The following IQCJ variants were observed in gnomAD, a reference collection of about 807,000 sequenced individuals.
IQCJ encodes IQ domain-containing protein J.
IQCJ carries 9 observed loss-of-function variants against 11.0 expected under a neutral mutation model. The observed-to-expected ratio is 0.82, with a 90% CI of 0.49 to 1.43. The LOEUF is 1.43. IQCJ is among the 40% of genes most tolerant of loss of function. The probability of loss-of-function intolerance (pLI) is 0.00; values close to 1 mark genes in which losing one functional copy is unlikely to be tolerated. For missense variants in IQCJ, 146 were observed against 133.2 expected (o/e 1.10, Z -0.47); for synonymous variants, 55 against 51.3 (o/e 1.07, Z -0.31).
intron 3 of IQCJ, 47 bp downstream of exon 3, chr3:159,252,854 G>GAATT (rs768932244): frequency 6.4e-7 from 1 of 1,555,540 alleles, no homozygotes; most frequent in Non-Finnish European, 8.7e-7. Flanking sequence ...CTAGTTTTAT[G>GAATT]AATTCCTGAA....
intron 1 of IQCJ, among the ~76,000 whole-genome samples, chr3:159,091,656 A>ACACACACACG (rs1222373182): frequency 1.7e-5 from 1 of 59,582 alleles, no homozygotes; most frequent in African/African-American, 5.0e-5. Context: ...TTACACACAC[A>ACACACACACG]CACACACACA....
chr3:159,150,543 G>A (rs909350074), intron 1 of IQCJ, among the ~76,000 whole-genome samples: 2 of 151,898 alleles, frequency 1.3e-5, no homozygotes. Flanking sequence ...GCCACGGAGG[G>A]TGTGTATCAG....
At chr3:159,141,472 C>A (rs553711326) in intron 1 of IQCJ, among the ~76,000 whole-genome samples, 8 of 152,162 alleles carry the variant, frequency 5.3e-5, no homozygotes, top group Non-Finnish European at 1.0e-4. Context: ...TAATAACAAT[C>A]TCTTTAGAAT....
chr3:159,077,784 G>A (rs972423974), intron 1 of IQCJ, among the ~76,000 whole-genome samples: 11 of 151,858 alleles, frequency 7.2e-5, no homozygotes, highest in African/African-American at 2.4e-4. Flanking sequence ...TAAAACATGG[G>A]CATATATTGC....
At chr3:159,203,634 G>A (rs1724479615) in intron 1 of IQCJ, among the ~76,000 whole-genome samples, 1 of 152,084 alleles carries the variant, frequency 6.6e-6, no homozygotes, top group South Asian at 2.1e-4. Flanking sequence ...GACAGGGGAG[G>A]AGGTGGGTGC....
At chr3:159,260,529 C>T (rs1304233979) in intron 3 of IQCJ, among the ~76,000 whole-genome samples, 1 of 152,086 alleles carries the variant, frequency 6.6e-6, no homozygotes, top group African/African-American at 2.4e-5. Context: ...CTGGGATACC[C>T]CAAGCAACTC....
At chr3:159,106,827 G>T (rs1718295186) in intron 1 of IQCJ, among the ~76,000 whole-genome samples, 1 of 151,938 alleles carries the variant, frequency 6.6e-6, no homozygotes, top group Admixed American at 6.6e-5. Context: ...CCCTTCTTTG[G>T]GTTTGATAAT....
intron 1 of IQCJ, among the ~76,000 whole-genome samples, chr3:159,113,905 C>G (rs111540084): frequency 6.6e-6 from 1 of 152,128 alleles, no homozygotes; most frequent in African/African-American, 2.4e-5. Context: ...AGGCAGTGAT[C>G]GTTTAAGAAC....
chr3:159,230,381 T>G (rs1006782897), intron 1 of IQCJ, among the ~76,000 whole-genome samples: 3 of 152,240 alleles, frequency 2.0e-5, no homozygotes, highest in Non-Finnish European at 4.4e-5. Flanking sequence ...TTGATATTTT[T>G]AATGAATATC....
intron 1 of IQCJ, among the ~76,000 whole-genome samples, chr3:159,092,699 A>AACACAC (rs57083405): frequency 0.01 from 1,473 of 141,664 alleles, 44 homozygotes; most frequent in East Asian, 0.037. Context: ...CTCCATCACA[A>AACACAC]ACACACACAC....
chr3:159,204,839 G>A (rs1724552450), intron 1 of IQCJ, among the ~76,000 whole-genome samples: 1 of 152,124 alleles, frequency 6.6e-6, no homozygotes, highest in Non-Finnish European at 1.5e-5. Flanking sequence ...TTTCTGAATG[G>A]GACTAAAAGA....
intron 1 of IQCJ, among the ~76,000 whole-genome samples, chr3:159,081,996 T>C (rs1716345520): frequency 6.6e-6 from 1 of 152,090 alleles, no homozygotes; most frequent in Admixed American, 6.6e-5. Context: ...AATAATTAGT[T>C]CAGTAAAACA....
chr3:159,088,225 G>A (rs1197842553), intron 1 of IQCJ, among the ~76,000 whole-genome samples: 15 of 151,902 alleles, frequency 9.9e-5, no homozygotes, highest in Middle Eastern at 3.2e-3. Context: ...GTAGTTGAGC[G>A]GTTTTGAGTG....
chr3:159,070,431 A>G (rs1033320924), intron 1 of IQCJ, among the ~76,000 whole-genome samples: 2 of 152,242 alleles, frequency 1.3e-5, no homozygotes, highest in East Asian at 1.9e-4. Context: ...TTCTTAAGCT[A>G]GAAAGATACT....
rs368818308 is a variant in IQCJ, at chr3:159,150,633, C to T, written c.9+81192C>T. Among the ~76,000 whole-genome samples, 78 of 151,508 alleles carry T rather than the reference C, an allele frequency of 5.1e-4. 2 individuals are homozygous for T. In the South Asian group the frequency reaches 0.016, roughly 30 times the overall value. On this transcript the variant is annotated intron_variant, in intron 1 of 3. Coordinates refer to ENST00000397832, the MANE Select transcript of IQCJ (RefSeq NM_001042706.3). ...ACACACACATATTCTGGGGGCTGTG[C>T]TTCTGTAGGTTGAGGGTAAGAAACT...
rs141751446 is a variant in IQCJ at position 159,207,971 on chromosome 3, C to T, written c.10-37872C>T. Among the ~76,000 whole-genome samples, 488 of 152,242 alleles carry T rather than the reference C, an allele frequency of 3.2e-3. 4 individuals are homozygous for T. The highest frequency in any genetic ancestry group is 0.011 in the African/African-American group (441 of 41,536). On this transcript the variant is annotated intron_variant, in intron 1 of 3. Coordinates refer to ENST00000397832, the MANE Select transcript of IQCJ (RefSeq NM_001042706.3). ...CACAATAGTTTGGAGGCAATTAGGG[C>T]TATGGTGCAGAGCATCATTATTTTA...
intron 1 of IQCJ, among the ~76,000 whole-genome samples, chr3:159,225,178 T>G (rs1725781041): frequency 6.6e-6 from 1 of 152,142 alleles, no homozygotes; most frequent in African/African-American, 2.4e-5. Flanking sequence ...TCAAGCAAAC[T>G]GTGACACATC....
intron 1 of IQCJ, among the ~76,000 whole-genome samples, chr3:159,129,588 A>G (rs945062077): frequency 3.3e-5 from 5 of 152,146 alleles, no homozygotes; most frequent in African/African-American, 1.2e-4. Flanking sequence ...AAGTTCCCAG[A>G]AGAAAAGTTC....
chr3:159,125,059 G>A (rs893866344), intron 1 of IQCJ, among the ~76,000 whole-genome samples: 1 of 152,112 alleles, frequency 6.6e-6, no homozygotes, highest in Non-Finnish European at 1.5e-5. Flanking sequence ...AAATATTGTG[G>A]TATGAAGAGG....
Sources: gnomAD v4.1 joint callset for allele counts (sites outside exome capture counted in the v4.1 genomes callset) on GRCh38, gnomAD v4.1.1 for gene constraint, MANE v1.5 for transcripts, NCBI Gene and HGNC (gene_info 2026-07-23, HGNC 2026-07-21) for gene names.